Variants in ZNF804B observed in about 807,000 individuals in gnomAD.
ZNF804B encodes zinc finger protein 804B, also known as zinc finger 804B.
Under a neutral mutation model 101.4 loss-of-function variants are expected in ZNF804B, and 80 were observed. The observed-to-expected ratio is 0.79, with a 90% CI of 0.66 to 0.95. The LOEUF (loss-of-function observed/expected upper bound fraction) is 0.95. ZNF804B is among the 40% of genes least tolerant of loss of function. The pLI is 0.00. For synonymous variants in ZNF804B, 622 were observed against 558.8 expected, an observed-to-expected ratio of 1.11 and a Z score of -1.59; for missense variants, 1,673 against 1,561.9, an observed-to-expected ratio of 1.07 and a Z score of -1.20.
chr7:89,194,095 G>A (rs1788505487), intron 1 of ZNF804B, among the ~76,000 whole-genome samples: 1 of 151,756 alleles, frequency 6.6e-6, no homozygotes, highest in Non-Finnish European at 1.5e-5. Flanking sequence ...ATGTTTTTTG[G>A]CTGCATAAAT....
intron 1 of ZNF804B, among the ~76,000 whole-genome samples, chr7:88,858,812 T>C (rs907528924): frequency 1.1e-4 from 17 of 152,304 alleles, no homozygotes; most frequent in South Asian, 6.2e-4. Flanking sequence ...TAGCATTATG[T>C]ATTTGAGAAA....
At chr7:89,066,333 A>C (rs1789454316) in intron 1 of ZNF804B, among the ~76,000 whole-genome samples, 1 of 152,138 alleles carries the variant, frequency 6.6e-6, no homozygotes, top group Admixed American at 6.5e-5. Context: ...TACAGGGCAC[A>C]ATGAAGCCTT....
At chr7:89,186,639 T>C (rs1474558535) in intron 1 of ZNF804B, among the ~76,000 whole-genome samples, 1 of 152,068 alleles carries the variant, frequency 6.6e-6, no homozygotes, top group African/African-American at 2.4e-5. Context: ...TTCTTTTGTA[T>C]ATAAAAGGGC....
At chr7:88,769,244 G>C (rs1415504345) in intron 1 of ZNF804B, among the ~76,000 whole-genome samples, 2 of 152,084 alleles carry the variant, frequency 1.3e-5, no homozygotes, top group African/African-American at 4.8e-5. Context: ...CCTGGTGGTA[G>C]GTCCACAAAG....
chr7:89,273,631 A>G (rs1789932189), intron 2 of ZNF804B, among the ~76,000 whole-genome samples: 1 of 152,094 alleles, frequency 6.6e-6, no homozygotes, highest in South Asian at 2.1e-4. Flanking sequence ...TTATTTCTGG[A>G]GTATTATTTT....
chr7:89,060,534 A>G (rs1789363490), intron 1 of ZNF804B, among the ~76,000 whole-genome samples: 1 of 152,150 alleles, frequency 6.6e-6, no homozygotes, highest in Non-Finnish European at 1.5e-5. Flanking sequence ...CCACTCTGCT[A>G]ATCTATATGC....
chr7:89,311,406 T>A (rs1490271386), intron 2 of ZNF804B, among the ~76,000 whole-genome samples: 2 of 152,210 alleles, frequency 1.3e-5, no homozygotes, highest in African/African-American at 4.8e-5. Flanking sequence ...TTTTCTGTTC[T>A]GGAATCTTTC....
intron 1 of ZNF804B, among the ~76,000 whole-genome samples, chr7:88,779,780 A>G (rs1790195691): frequency 6.6e-6 from 1 of 152,156 alleles, no homozygotes; most frequent in African/African-American, 2.4e-5. Flanking sequence ...GAAAATTTTC[A>G]TATTCTTTTA....
chr7:88,786,417 A>G lies in ZNF804B; in HGVS notation c.108+26333A>G, dbSNP rs576717943. ...TTTATTTGACTAAAGGAAGAAATTA[A>G]GCTCAATAAGCACTGCTGATTTTTT... is the stretch of plus-strand genomic sequence containing the variant. On this transcript the variant is annotated intron_variant, in intron 1 of 3. Coordinates refer to ENST00000333190, the MANE Select transcript of ZNF804B (RefSeq NM_181646.5). 5.3e-5 allele frequency among the ~76,000 whole-genome samples: 8 copies of G among 152,222 alleles called. No homozygotes were observed. The South Asian group carries it at 8.3e-4, about 16-fold the overall frequency.
intron 2 of ZNF804B, among the ~76,000 whole-genome samples, chr7:89,317,325 T>A (rs1790748350): frequency 1.3e-5 from 2 of 152,148 alleles, no homozygotes; most frequent in Admixed American, 6.5e-5. Context: ...AACATGCACA[T>A]GGTGTAAAGT....
At position 88,857,924 on chromosome 7, in the gene ZNF804B, A is replaced by G. The variant is rs532080030; in HGVS notation, c.108+97840A>G. Among the ~76,000 whole-genome samples the G allele has an allele frequency of 2.8e-5, 4 of 143,144 alleles. No individual in the cohort carries two copies. In the East Asian group the frequency reaches 8.4e-4, roughly 30 times the overall value. The allele number at this position is 143,144 out of a possible 152,430, so 93.9% of individuals were successfully genotyped here. The stretch of plus-strand genomic sequence containing the variant: ...CTGCAACCTCCACCTCCCAGGATCA[A>G]GCGATTTCATGCGTCAGCCTCCTGA... On this transcript the variant is annotated intron_variant, in intron 1 of 3. Transcript: ENST00000333190.
At chr7:89,254,704 G>A (rs1175692173) in intron 2 of ZNF804B, among the ~76,000 whole-genome samples, 4 of 150,784 alleles carry the variant, frequency 2.7e-5, no homozygotes, top group Non-Finnish European at 5.9e-5. Context: ...GGAGTGTGGT[G>A]GCACAATCTT....
chr7:88,897,602 G>T, intron 1 of ZNF804B, among the ~76,000 whole-genome samples: 1 of 152,160 alleles, frequency 6.6e-6, no homozygotes, highest in East Asian at 1.9e-4. Flanking sequence ...GAACTCTATA[G>T]ATTGGAACTC....
intron 1 of ZNF804B, among the ~76,000 whole-genome samples, chr7:89,071,092 G>A (rs1789531613): frequency 6.6e-6 from 1 of 151,910 alleles, no homozygotes; most frequent in South Asian, 2.1e-4. Flanking sequence ...CTAATACTAT[G>A]TACATAATAT....
chr7:89,202,935 G>T (rs866185591), intron 1 of ZNF804B, among the ~76,000 whole-genome samples: 2 of 151,998 alleles, frequency 1.3e-5, no homozygotes, highest in South Asian at 2.1e-4. Context: ...TACAATAGAC[G>T]TATTGTAGCT....
intron 1 of ZNF804B, among the ~76,000 whole-genome samples, chr7:88,926,555 C>G (rs1173710005): frequency 6.6e-6 from 1 of 151,936 alleles, no homozygotes; most frequent in Non-Finnish European, 1.5e-5. Flanking sequence ...TTACACTGAG[C>G]CGAGATCACG....
At chr7:88,936,749 A>T (rs1038486041) in intron 1 of ZNF804B, among the ~76,000 whole-genome samples, 13 of 152,034 alleles carry the variant, frequency 8.6e-5, no homozygotes, top group Admixed American at 2.6e-4. Flanking sequence ...CAGATAAGGG[A>T]ACTTCATAAA....
chr7:89,077,928 ACT>A (rs1384113265), intron 1 of ZNF804B, among the ~76,000 whole-genome samples: 42 of 152,014 alleles, frequency 2.8e-4, no homozygotes, highest in African/African-American at 9.4e-4. Flanking sequence ...TATTGTGCTC[ACT>A]CTTATTCAGG....
intron 1 of ZNF804B, among the ~76,000 whole-genome samples, chr7:89,041,640 G>C (rs1334051210): frequency 6.6e-6 from 1 of 152,160 alleles, no homozygotes. Context: ...TTGGTGGGAT[G>C]GGGCTGGTGT....
Sources: allele counts gnomAD v4.1 joint callset (sites outside exome capture counted in the v4.1 genomes callset), GRCh38; gene constraint gnomAD v4.1.1; transcripts MANE v1.5; gene names NCBI Gene and HGNC (gene_info 2026-07-23, HGNC 2026-07-21).